EIF4E: variants seen among roughly 807,000 people sequenced by gnomAD.
EIF4E encodes the protein eIF-4F 25 kDa subunit.
For missense variants in EIF4E, 113 were observed against 265.6 expected (o/e 0.43, Z 3.99); for synonymous variants, 71 against 88.5 (o/e 0.80, Z 1.11).
intron 3 of EIF4E, 88 bp downstream of exon 3, chr4:98,891,145 AACTC>A: frequency 7.4e-7 from 1 of 1,345,574 alleles, no homozygotes; most frequent in Non-Finnish European, 1.1e-6. Context: ...TTAACTGTTT[AACTC>A]ACACTTCATT....
intron 1 of EIF4E, among the ~76,000 whole-genome samples, chr4:98,904,749 C>T (rs1030128068): frequency 1.3e-5 from 2 of 152,036 alleles, no homozygotes; most frequent in Non-Finnish European, 2.9e-5. Context: ...CCAGCCTGGG[C>T]GACAAGAGCA....
At chr4:98,909,445 C>A in intron 1 of EIF4E, 1 of 492,816 alleles carries the variant, frequency 2.0e-6, no homozygotes. Flanking sequence ...GAATCACGTT[C>A]TCACACTTGA....
intron 1 of EIF4E, 32 bp from the exon 2 acceptor site, chr4:98,902,014 A>C (rs1339332057): frequency 1.3e-6 from 2 of 1,572,422 alleles, no homozygotes; most frequent in African/African-American, 2.7e-5. Flanking sequence ...CATTATTTTA[A>C]ATGTCTTAAC....
intron 2 of EIF4E, among the ~76,000 whole-genome samples, chr4:98,900,815 A>G (rs927168315): frequency 6.6e-6 from 1 of 152,202 alleles, no homozygotes; most frequent in Non-Finnish European, 1.5e-5. Context: ...CTGTTACACT[A>G]TTAACTATGA....
intron 6 of EIF4E, 40 bp downstream of exon 6, chr4:98,884,882 C>G: frequency 1.2e-6 from 2 of 1,609,498 alleles, no homozygotes; most frequent in South Asian, 2.2e-5. Flanking sequence ...TTTTACTCAT[C>G]TTAATACTGT....
At chr4:98,912,919 G>A (rs1167728365) in intron 1 of EIF4E, among the ~76,000 whole-genome samples, 5 of 152,076 alleles carry the variant, frequency 3.3e-5, no homozygotes, top group Non-Finnish European at 7.4e-5. Flanking sequence ...AAAATTCTAT[G>A]TGTTTTGCCG....
chr4:98,886,930 A>G (rs1185811516), intron 5 of EIF4E, 149 bp downstream of exon 5: 1 of 752,524 alleles, frequency 1.3e-6, no homozygotes, highest in Non-Finnish European at 2.2e-6. Context: ...CAGGAGTCAT[A>G]TGACAGAACA....
At chr4:98,924,545 T>C (rs1725789623) in intron 1 of EIF4E, among the ~76,000 whole-genome samples, 1 of 152,154 alleles carries the variant, frequency 6.6e-6, no homozygotes, top group South Asian at 2.1e-4. Flanking sequence ...AGTCTAATAA[T>C]CATGCTCATT....
At position 98,879,818 on chromosome 4, in the gene EIF4E, T is replaced by G. The variant is rs1275495759; in HGVS notation, c.*1210A>C. 1 of 152,178 alleles carries G rather than the reference T, an allele frequency of 6.6e-6. No individual in the cohort carries two copies. Among genetic ancestry groups the G allele is most frequent in the Non-Finnish European group, 1.5e-5 (1 of 67,994 alleles). The allele number at this position is 152,178 out of a possible 1,614,324, so 9.4% of individuals were successfully genotyped here. A position where few individuals can be genotyped will look rare whatever the true frequency, so the allele number is the denominator to read the frequency against. On this transcript the variant is annotated 3_prime_UTR_variant, in exon 7 of 7. Coordinates refer to ENST00000450253, the MANE Select transcript of EIF4E (RefSeq NM_001968.5). ...AGTACATTATTTACCTAAGACTGAA[T>G]GACTGTGCCTTACTTTATAAAAAAA...
intron 1 of EIF4E, chr4:98,909,847 A>G: frequency 5.9e-6 from 4 of 680,272 alleles, no homozygotes; most frequent in Non-Finnish European, 1.1e-5. Flanking sequence ...AGGATCAGCC[A>G]TGGTCCCCCA....
intron 2 of EIF4E, among the ~76,000 whole-genome samples, chr4:98,898,540 G>A (rs1724515177): frequency 6.6e-6 from 1 of 151,642 alleles, no homozygotes; most frequent in South Asian, 2.1e-4. Flanking sequence ...CCCGGGAGGT[G>A]GAGGTCCAGC....
chr4:98,908,958 C>T (rs187703617), intron 1 of EIF4E, among the ~76,000 whole-genome samples: 121 of 152,236 alleles, frequency 7.9e-4, no homozygotes, highest in African/African-American at 2.9e-3. Flanking sequence ...CAAAGGTGGC[C>T]AGGACTGAAT....
At chr4:98,905,569 C>T (rs961173483) in intron 1 of EIF4E, among the ~76,000 whole-genome samples, 1 of 151,992 alleles carries the variant, frequency 6.6e-6, no homozygotes, top group East Asian at 1.9e-4. Context: ...TAAAAGTGTA[C>T]CTTTCATCTT....
At chr4:98,924,094 T>C (rs1725772766) in intron 1 of EIF4E, among the ~76,000 whole-genome samples, 1 of 151,888 alleles carries the variant, frequency 6.6e-6, no homozygotes, top group African/African-American at 2.4e-5. Context: ...TTTTTTTTTT[T>C]TGAGACGGAG....
At position 98,928,845 on chromosome 4, in the gene EIF4E, C is replaced by A. The variant is rs560778195; in HGVS notation, c.18+250G>T. The A allele has an allele frequency of 8.0e-5, 122 of 1,533,206 alleles. No homozygotes were observed. In the South Asian group the frequency reaches 1.4e-3, roughly 17 times the overall value. The allele number at this position is 1,533,206 out of a possible 1,614,324, so 95.0% of individuals were successfully genotyped here. ...AGACACCTCGCGGTTCCGCAGGAGGCGCCACGCCGCCCCTCCCCCACACCG... is the reference window on the plus strand; with the variant it reads ...AGACACCTCGCGGTTCCGCAGGAGGAGCCACGCCGCCCCTCCCCCACACCG... On this transcript the variant is annotated intron_variant, in intron 1 of 6. Transcript: ENST00000450253.
chr4:98,901,770 A>G, intron 2 of EIF4E, 106 bp downstream of exon 2: 1 of 1,038,572 alleles, frequency 9.6e-7, no homozygotes, highest in Non-Finnish European at 1.5e-6. Context: ...CCTCAACCTT[A>G]GCATATCTAA....
At chr4:98,881,534 G>C (rs1723691723) in intron 6 of EIF4E, among the ~76,000 whole-genome samples, 1 of 152,096 alleles carries the variant, frequency 6.6e-6, no homozygotes, top group South Asian at 2.1e-4. Flanking sequence ...ATACATGACA[G>C]ACCTGTATCA....
chr4:98,909,938 C>A, intron 1 of EIF4E: 1 of 530,276 alleles, frequency 1.9e-6, no homozygotes, highest in Non-Finnish European at 3.3e-6. Flanking sequence ...TTTCAACAAA[C>A]CATGCATTTC....
Position 98,889,009 on chromosome 4 carries a change from A to G in EIF4E, c.222-1057T>C, listed in dbSNP as rs1024907535. Among the ~76,000 whole-genome samples the G allele has an allele frequency of 4.6e-5, 7 of 152,206 alleles. No individual in the cohort carries two copies. In the East Asian group the frequency reaches 1.2e-3, roughly 25 times the overall value. On this transcript the variant is annotated intron_variant, in intron 3 of 6. Coordinates refer to ENST00000450253, the MANE Select transcript of EIF4E (RefSeq NM_001968.5). Reference sequence around the variant, plus strand: ...CCCTGTCTCTACTAAAAATACAAAAATTAGCCGGGCGTGGTGGCATGCGCC... The same window carrying G: ...CCCTGTCTCTACTAAAAATACAAAAGTTAGCCGGGCGTGGTGGCATGCGCC...
Sources: gnomAD v4.1 joint callset for allele counts (sites outside exome capture counted in the v4.1 genomes callset) on GRCh38, gnomAD v4.1.1 for gene constraint, MANE v1.5 for transcripts, NCBI Gene and HGNC (gene_info 2026-07-23, HGNC 2026-07-21) for gene names.